The following RHBG variants were observed in gnomAD, a reference collection of about 807,000 sequenced individuals.
RHBG encodes ammonium transporter Rh type B.
In RHBG, 39 loss-of-function variants were observed where a neutral mutation model predicts 40.1. The observed-to-expected ratio is 0.97, with a 90% confidence interval of 0.75 to 1.27. The LOEUF (loss-of-function observed/expected upper bound fraction) is 1.27, where lower values mean the gene tolerates loss of function less well. RHBG is among the 50% of genes most tolerant of loss of function. The pLI is 0.00. For missense variants in RHBG, 549 were observed against 588.1 expected (o/e 0.93, Z 0.69); for synonymous variants, 237 against 252.5 (o/e 0.94, Z 0.58).
intron 1 of RHBG, among the ~76,000 whole-genome samples, chr1:156,372,762 T>G (rs753375831): frequency 1.4e-4 from 21 of 152,252 alleles, no homozygotes; most frequent in Non-Finnish European, 2.5e-4. Flanking sequence ...TTGTCCAAGG[T>G]CATAAAATCA....
At chr1:156,380,322 G>A (rs1344920659) in intron 4 of RHBG, among the ~76,000 whole-genome samples, 1 of 151,738 alleles carries the variant, frequency 6.6e-6, no homozygotes, top group Non-Finnish European at 1.5e-5. Context: ...GGCTGGTCTC[G>A]AACCCCGAAC....
Position 156,376,560 on chromosome 1 carries a change from C to T in RHBG, c.188-741C>T, listed in dbSNP as rs148412715. ...TGTATCTTTTGTAGAGACCGGGTTT[C>T]GCCATGTTGGCCAGGCTGGTCTTGA... is the stretch of plus-strand genomic sequence containing the variant. On this transcript the variant is annotated intron_variant, in intron 1 of 9. Transcript: ENST00000537040. Among the ~76,000 whole-genome samples the T allele has an allele frequency of 2.0e-3, 297 of 152,272 alleles. 1 individual carries two copies. Among genetic ancestry groups the T allele is most frequent in the African/African-American group, 6.5e-3 (271 of 41,542 alleles).
chr1:156,378,113 TG>T lies in RHBG; in HGVS notation c.499del (p.Glu167SerfsTer10). 1 of 1,609,814 alleles carries T rather than the reference TG, an allele frequency of 6.2e-7. No individual in the cohort carries two copies. The highest frequency in any genetic ancestry group is 2.2e-5 in the East Asian group (1 of 44,746). On this transcript the variant is annotated frameshift_variant, in exon 3 of 10. Coordinates refer to ENST00000537040, the MANE Select transcript of RHBG (RefSeq NM_020407.5). LOFTEE classifies it high-confidence loss of function. ...TGGAGGTGGTGCTGTTTGGCATCAA[TG>T]AGTTTGTGCTCCTTCATCTCCTGGG... ...LLEVVLFGIN[E>X]FVLLHLLGVR...
Position 156,381,370 on chromosome 1 carries a change from T to C in RHBG, c.697T>C (p.Trp233Arg), listed in dbSNP as rs771749886. ...AGGGACCATCTTCCTGTGGATCTTC[T>C]GGCCTAGCTTCAATGCTGCACTCAC... ...MIGTIFLWIF[W>R]PSFNAALTAL... The change falls in exon 5 of 10, where the codon TGG (tryptophan) becomes CGG (arginine). Residue 233 changes from tryptophan to arginine, a missense_variant. Physicochemically the swap from Trp to Arg is moderately radical, Grantham distance 101. Transcript: ENST00000537040. 6.2e-7 allele frequency: 1 copy of C among 1,614,100 alleles called. No homozygotes were observed.
intron 1 of RHBG, among the ~76,000 whole-genome samples, chr1:156,375,869 A>G (rs1406399160): frequency 6.6e-6 from 1 of 151,724 alleles, no homozygotes; most frequent in Non-Finnish European, 1.5e-5. Context: ...CCTCCCGAGT[A>G]GCTGGGACTA....
rs1667701883 is a variant in RHBG, at chr1:156,382,202, G to A, written c.1112+1G>A. 2.5e-6 allele frequency: 4 copies of A among 1,614,134 alleles called. No homozygotes were observed. The African/African-American group carries it at 5.3e-5, about 22-fold the overall frequency. On this transcript the variant is annotated splice_donor_variant, in intron 7 of 9. Transcript: ENST00000537040. LOFTEE classifies it high-confidence loss of function. ...CCACCCATGAAGCTTACGGAGATGG[G>A]TGAGTTTCCTCCCAACCCGTACTGC...
In RHBG at chr1:156,381,709, A is replaced by T. The variant is rs568558411; in HGVS notation, c.841-97A>T. Reference sequence around the variant, plus strand: ...CAATGAGAGGTTAGATGGCAGAGGGACTTCCAGAAGCAGTAGGTGTCACTG... The same window carrying T: ...CAATGAGAGGTTAGATGGCAGAGGGTCTTCCAGAAGCAGTAGGTGTCACTG... On this transcript the variant is annotated intron_variant, in intron 5 of 9. Coordinates refer to ENST00000537040, the MANE Select transcript of RHBG (RefSeq NM_020407.5). 97 of 1,483,226 alleles carry T rather than the reference A, an allele frequency of 6.5e-5. 3 individuals carry two copies. In the South Asian group the frequency reaches 1.3e-3, roughly 20 times the overall value. The allele number at this position is 1,483,226 out of a possible 1,614,324, so 91.9% of individuals were successfully genotyped here.
In RHBG at chr1:156,378,364, G is replaced by T; in HGVS notation, c.638G>T (p.Gly213Val). 2 of 1,612,070 alleles carry T rather than the reference G, an allele frequency of 1.2e-6. No homozygotes were observed. The highest frequency in any genetic ancestry group is 1.7e-6 in the Non-Finnish European group (2 of 1,178,908). ...PQLEKSKHRQ[G>V]SVYHSDLFAM... is the part of the protein sequence containing the mutation. ...CTGGAGAAGAGCAAGCACCGCCAGG[G>T]CTCCGTCTACCATTCAGACCTCTTC... The change falls in exon 4 of 10, where the codon GGC (glycine) becomes GTC (valine). Residue 213 changes from glycine (G) to valine (V), a missense_variant. Gly to Val is a moderately radical substitution (Grantham distance 109, BLOSUM62 -3). This residue lies in a region of RHBG where 399 missense variants were observed against 417.0 expected (regional missense o/e 0.96). Coordinates refer to ENST00000537040, the MANE Select transcript of RHBG (RefSeq NM_020407.5).
In RHBG at chr1:156,384,765, C is replaced by T; in HGVS notation, c.1309-12C>T. 1 of 1,613,840 alleles carries T rather than the reference C, an allele frequency of 6.2e-7. No homozygotes were observed. Among genetic ancestry groups the T allele is most frequent in the Non-Finnish European group, 8.5e-7 (1 of 1,179,784 alleles). On this transcript the variant is annotated splice_polypyrimidine_tract_variant and intron_variant, in intron 9 of 9. Transcript: ENST00000537040. ...AGCTACCCTTTCACCTCTACCCACT[C>T]CTGCCTTCCAGGTGCCTGGCGAGCA...
intron 8 of RHBG, among the ~76,000 whole-genome samples, chr1:156,384,225 C>T (rs557159805): frequency 6.6e-6 from 1 of 152,324 alleles, no homozygotes; most frequent in South Asian, 2.1e-4. Context: ...TGGTCTATTA[C>T]CAACTGCACA....
chr1:156,377,528 G>T lies in RHBG; in HGVS notation c.374+41G>T. 1 of 1,580,672 alleles carries T rather than the reference G, an allele frequency of 6.3e-7. No homozygotes were observed. The highest frequency in any genetic ancestry group is 2.3e-5 in the East Asian group (1 of 44,242). On this transcript the variant is annotated intron_variant, in intron 2 of 9. Coordinates refer to ENST00000537040, the MANE Select transcript of RHBG (RefSeq NM_020407.5). This position sits in a 1 kb window ranked among gnomAD's most constrained non-coding sequence, Gnocchi z 4.6. ...CCACCCAGCTCCCCAAGGTTCACTC[G>T]GGAGGCCCCTGCCCATGGGCCCCGG...
intron 9 of RHBG, 61 bp downstream of exon 9, chr1:156,384,661 G>C: frequency 1.3e-6 from 2 of 1,540,966 alleles, no homozygotes; most frequent in Non-Finnish European, 1.8e-6. Context: ...GCCTCCTGTG[G>C]CCCAAGTTGC....
intron 1 of RHBG, among the ~76,000 whole-genome samples, chr1:156,370,299 A>T (rs975483999): frequency 3.3e-5 from 5 of 152,028 alleles, no homozygotes; most frequent in Non-Finnish European, 7.4e-5. Flanking sequence ...AATACAAAAA[A>T]TTAGCTGGGT....
Position 156,382,119 on chromosome 1 carries a change from C to A in RHBG, c.1030C>A (p.Leu344Ile). 1.9e-6 allele frequency: 3 copies of A among 1,613,990 alleles called. No homozygotes were observed. The highest frequency in any genetic ancestry group is 1.7e-6 in the Non-Finnish European group (2 of 1,179,902). ...CCAAGACACATGTGGAGTCCACAAC[C>A]TCCATGGGATGCCGGGGGTCCTGGG... The part of the protein sequence containing the change: ...KVQDTCGVHN[L>I]HGMPGVLGAL... Residue 344 changes from leucine to isoleucine, a missense_variant, in exon 7 of 10, where the codon CTC becomes ATC. By Grantham distance (5) the Leu-to-Ile change is conservative. This residue lies in a region of RHBG where 399 missense variants were observed against 417.0 expected (regional missense o/e 0.96). Transcript: ENST00000537040.
chr1:156,369,494 C>T, intron 1 of RHBG, 58 bp downstream of exon 1: 1 of 1,508,850 alleles, frequency 6.6e-7, no homozygotes, highest in Non-Finnish European at 8.9e-7. Flanking sequence ...CAAAGACCCT[C>T]CGGTGTCTTG....
In RHBG at chr1:156,381,899, T is replaced by A. The variant is rs1338984687; in HGVS notation, c.934T>A (p.Phe312Ile). Residue 312 changes from phenylalanine to isoleucine, a missense_variant, in exon 6 of 10, where the codon TTC (phenylalanine) becomes ATC (isoleucine). Physicochemically the swap from Phe to Ile is conservative, Grantham distance 21 (BLOSUM62 0). Around this residue, in one of 3 missense-constraint regions of RHBG, gnomAD observed 399 missense variants for 417.0 expected, o/e 0.96. Transcript: ENST00000537040. ...LTPFGALAAG[F>I]LAGTVSTLGY... is the part of the protein sequence containing the mutation. Reference sequence around the variant, plus strand: ...ACCCTTTGGGGCTCTGGCAGCTGGCTTCTTGGCTGGGACTGTCTCCACGCT... The same window carrying A: ...ACCCTTTGGGGCTCTGGCAGCTGGCATCTTGGCTGGGACTGTCTCCACGCT... 2 of 1,609,108 alleles carry A rather than the reference T, an allele frequency of 1.2e-6. No homozygotes were observed. The highest frequency in any genetic ancestry group is 4.5e-5 in the East Asian group (2 of 44,860).
rs543545001 is a variant in RHBG at position 156,369,746 on chromosome 1, G to T, written c.187+310G>T. On this transcript the variant is annotated intron_variant, in intron 1 of 9. Coordinates refer to ENST00000537040, the MANE Select transcript of RHBG (RefSeq NM_020407.5). Reference sequence around the variant, plus strand: ...GTCAGGGAGTTGGGATTGGAAGCCAGATCTAGAGCCCCAGCTTTAACCATC... The same window carrying T: ...GTCAGGGAGTTGGGATTGGAAGCCATATCTAGAGCCCCAGCTTTAACCATC... Among the ~76,000 whole-genome samples, 3 of 152,308 alleles carry T rather than the reference G, an allele frequency of 2.0e-5. No homozygotes were observed. The East Asian group carries it at 5.8e-4, about 29-fold the overall frequency.
At position 156,382,998 on chromosome 1, in the gene RHBG, A is replaced by C. The variant is rs1571020414; in HGVS notation, c.1234+129A>C. 8 of 1,325,732 alleles carry C rather than the reference A, an allele frequency of 6.0e-6. No homozygotes were observed. In the East Asian group the frequency reaches 1.9e-4, roughly 31 times the overall value. 82.1% of individuals were successfully genotyped at this position (1,325,732 alleles called of 1,614,324 possible). ...AAAGTAGGGATTGGGTTGTGGGTTA[A>C]GGGGTAACCAACCTCCTGCAGGCAC... On this transcript the variant is annotated intron_variant, in intron 8 of 9. Transcript: ENST00000537040.
chr1:156,383,688 T>C lies in RHBG; in HGVS notation c.1234+819T>C, dbSNP rs926530844. 4.0e-5 allele frequency among the ~76,000 whole-genome samples: 6 copies of C among 151,496 alleles called. No homozygotes were observed. In the South Asian group the frequency reaches 1.3e-3, roughly 32 times the overall value. ...GGCACCCGCCACCATGCTGGGCTTA[T>C]TATTATTATTTTGTATTTTTAGTAG... On this transcript the variant is annotated intron_variant, in intron 8 of 9. Coordinates refer to ENST00000537040, the MANE Select transcript of RHBG (RefSeq NM_020407.5).
Sources: allele counts gnomAD v4.1 joint callset (sites outside exome capture counted in the v4.1 genomes callset), GRCh38; gene constraint gnomAD v4.1.1; regional missense constraint gnomAD v4.1.1; non-coding constraint Gnocchi (gnomAD v3.1); transcripts MANE v1.5; gene names NCBI Gene and HGNC (gene_info 2026-07-23, HGNC 2026-07-21).